Variants in TRPC5 observed in about 807,000 individuals in gnomAD.
TRPC5 encodes the protein transient receptor potential cation channel subfamily C member 5, also known as short transient receptor potential channel 5.
TRPC5 carries 9 observed loss-of-function variants against 56.5 expected under a neutral mutation model. That is an observed-to-expected ratio of 0.16 (90% CI 0.10 to 0.28). The LOEUF is 0.28. Among genes scored for constraint, TRPC5 ranks in the 10% least tolerant of loss-of-function variants. The probability of loss-of-function intolerance (pLI) is 1.00; values close to 1 mark genes in which losing one functional copy is unlikely to be tolerated. For synonymous variants in TRPC5, 282 were observed against 278.5 expected (o/e 1.01, Z -0.13); for missense variants, 469 against 748.9 (o/e 0.63, Z 4.36).
At chrX:111,834,243 T>G (rs956940954) in intron 7 of TRPC5, among the ~76,000 whole-genome samples, 1 of 111,778 alleles carries the variant, frequency 8.9e-6, no homozygotes, top group Non-Finnish European at 1.9e-5. Flanking sequence ...AGCAATGGAC[T>G]GTACTTAGGA....
intron 7 of TRPC5, among the ~76,000 whole-genome samples, chrX:111,819,105 G>A (rs978322872): frequency 9.0e-6 from 1 of 111,488 alleles, no homozygotes; most frequent in Admixed American, 9.5e-5. Flanking sequence ...GAGCTATACT[G>A]TCTTTTTGGG....
intron 1 of TRPC5, among the ~76,000 whole-genome samples, chrX:112,042,338 G>A (rs1929914461): frequency 9.0e-6 from 1 of 111,206 alleles, no homozygotes; most frequent in Admixed American, 9.6e-5. Context: ...AAAAATAAAG[G>A]GTGCCACATT....
At chrX:111,792,479 A>T (rs994402986) in intron 7 of TRPC5, among the ~76,000 whole-genome samples, 10 of 111,450 alleles carry the variant, frequency 9.0e-5, no homozygotes, top group South Asian at 3.8e-4. Flanking sequence ...TTAAAAAATT[A>T]AAAAAAAGCA....
chrX:111,770,693 C>T lies in TRPC5; in HGVS notation c.*5620G>A, dbSNP rs1945838670. The stretch of plus-strand genomic sequence containing the variant: ...AATCCCAGCAAAAATCCAAAGCCTC[C>T]TTTCTTCCTTCCAAGGGTCAGCTTT... On this transcript the variant is annotated 3_prime_UTR_variant, in exon 11 of 11. Coordinates refer to ENST00000262839, the MANE Select transcript of TRPC5 (RefSeq NM_012471.3). Among the ~76,000 whole-genome samples, 1 of 111,469 alleles carries T rather than the reference C, an allele frequency of 9.0e-6. No individual in the cohort carries two copies. Among genetic ancestry groups the T allele is most frequent in the Non-Finnish European group, 1.9e-5 (1 of 53,123 alleles).
chrX:111,781,358 A>C (rs745790045), intron 8 of TRPC5, 152 bp from the exon 9 acceptor site: 1 of 488,453 alleles, frequency 2.0e-6, no homozygotes, highest in African/African-American at 2.4e-5. Flanking sequence ...TGTATGTTGG[A>C]ATGATTTTAT....
intron 7 of TRPC5, among the ~76,000 whole-genome samples, chrX:111,817,385 G>C (rs1271361332): frequency 1.0e-5 from 1 of 99,317 alleles, no homozygotes; most frequent in African/African-American, 3.8e-5. Flanking sequence ...GGAGTGCAGT[G>C]GTGCCGTCTT....
chrX:112,039,311 G>C (rs931455584), intron 1 of TRPC5, among the ~76,000 whole-genome samples: 2 of 108,053 alleles, frequency 1.9e-5, no homozygotes, highest in Admixed American at 9.7e-5. Context: ...CTAGTGGCTT[G>C]TAGCCATTTG....
chrX:112,000,969 T>C (rs1042616248), intron 1 of TRPC5, among the ~76,000 whole-genome samples: 1 of 112,278 alleles, frequency 8.9e-6, no homozygotes, highest in Non-Finnish European at 1.9e-5. Flanking sequence ...AACACTTACA[T>C]GGTGCTATGA....
chrX:111,952,561 G>A (rs1173888356), intron 1 of TRPC5, 120 bp from the exon 2 acceptor site: 14 of 703,617 alleles, frequency 2.0e-5, no homozygotes, highest in Non-Finnish European at 2.6e-5. Flanking sequence ...CAATGACGCC[G>A]TCTTTTTTCC....
chrX:111,965,616 C>T (rs890865378), intron 1 of TRPC5, among the ~76,000 whole-genome samples: 1 of 111,860 alleles, frequency 8.9e-6, no homozygotes, highest in Non-Finnish European at 1.9e-5. Context: ...GAAATTATAA[C>T]AAACTGTCTC....
intron 3 of TRPC5, among the ~76,000 whole-genome samples, chrX:111,856,150 G>A (rs1012393223): frequency 9.0e-6 from 1 of 111,460 alleles, no homozygotes; most frequent in African/African-American, 3.3e-5. Context: ...CAGGGTGGCT[G>A]CAGCTTAAAT....
In TRPC5 at chrX:111,768,088, A is replaced by T. The variant is rs1945823742; in HGVS notation, c.*8225T>A. ...ACACAAAATTATTTTATTGTACAAG[A>T]TTCTTTTTAATACATTAAGATTGAC... On this transcript the variant is annotated 3_prime_UTR_variant, in exon 11 of 11. Transcript: ENST00000262839. Among the ~76,000 whole-genome samples, 1 of 112,360 alleles carries T rather than the reference A, an allele frequency of 8.9e-6. No homozygotes were observed. The highest frequency in any genetic ancestry group is 9.4e-5 in the Admixed American group (1 of 10,589).
chrX:112,005,517 T>C (rs1476861820), intron 1 of TRPC5, among the ~76,000 whole-genome samples: 4 of 108,438 alleles, frequency 3.7e-5, no homozygotes, highest in Non-Finnish European at 7.6e-5. Flanking sequence ...CTCCCAGACA[T>C]TCAGATTTAA....
At chrX:111,975,898 C>T (rs1266325475) in intron 1 of TRPC5, among the ~76,000 whole-genome samples, 2 of 111,298 alleles carry the variant, frequency 1.8e-5, no homozygotes, top group African/African-American at 6.5e-5. Context: ...AGCAAGACTC[C>T]GTCTCCAAAA....
At chrX:111,957,428 T>A (rs886306054) in intron 1 of TRPC5, among the ~76,000 whole-genome samples, 2 of 112,383 alleles carry the variant, frequency 1.8e-5, no homozygotes, top group Non-Finnish European at 3.8e-5. Flanking sequence ...CCGGATACTG[T>A]GTGTGCTAAA....
At chrX:111,813,824 G>T (rs1421373372) in intron 7 of TRPC5, among the ~76,000 whole-genome samples, 1 of 112,226 alleles carries the variant, frequency 8.9e-6, no homozygotes, top group East Asian at 2.8e-4. Context: ...TATAAGACCA[G>T]CTCTACTTCA....
chrX:111,927,814 C>CTT (rs35342500), intron 2 of TRPC5, among the ~76,000 whole-genome samples: 3,388 of 98,021 alleles, frequency 0.035, 180 homozygotes, highest in African/African-American at 0.12. Flanking sequence ...TGATGGGAAA[C>CTT]TTTTTTTTTT....
At chrX:111,869,988 GA>G (rs1603065655) in intron 3 of TRPC5, among the ~76,000 whole-genome samples, 1 of 112,124 alleles carries the variant, frequency 8.9e-6, no homozygotes, top group African/African-American at 3.2e-5. Context: ...CAGGACACTA[GA>G]GGGGAAATAC....
intron 1 of TRPC5, among the ~76,000 whole-genome samples, chrX:112,066,531 A>G (rs1387752649): frequency 8.9e-6 from 1 of 112,188 alleles, no homozygotes; most frequent in Non-Finnish European, 1.9e-5. Context: ...AGCATATCAT[A>G]GAGGTGAAAA....
Sources: allele counts gnomAD v4.1 joint callset (sites outside exome capture counted in the v4.1 genomes callset), GRCh38; gene constraint gnomAD v4.1.1; transcripts MANE v1.5; gene names NCBI Gene and HGNC (gene_info 2026-07-23, HGNC 2026-07-21).